Variants in ODAD2 observed in about 807,000 individuals in gnomAD.
The protein encoded by ODAD2 is outer dynein arm docking complex subunit 2, also known as outer dynein arm-docking complex subunit 2.
A neutral mutation model predicts 106.8 loss-of-function variants in ODAD2; 89 were observed. The observed-to-expected ratio is 0.83, with a 90% CI of 0.70 to 0.99. The LOEUF is 0.99. Ranked by LOEUF, ODAD2 falls within the 50% of genes least tolerant of loss-of-function variation. The probability of loss-of-function intolerance (pLI) is 0.00; values close to 1 mark genes in which losing one functional copy is unlikely to be tolerated. For missense variants in ODAD2, 1,168 were observed against 1,238.5 expected, an observed-to-expected ratio of 0.94 and a Z score of 0.85; for synonymous variants, 404 against 436.2, an observed-to-expected ratio of 0.93 and a Z score of 0.92.
chr10:27,958,769 TAA>T (rs1847904124), intron 10 of ODAD2: 2 of 1,050,122 alleles, frequency 1.9e-6, no homozygotes, highest in African/African-American at 3.4e-5. Context: ...AATTCTAATA[TAA>T]GAGAACTTTT....
chr10:27,885,563 A>T (rs183155636), intron 17 of ODAD2, among the ~76,000 whole-genome samples: 26 of 17,490 alleles, frequency 1.5e-3, no homozygotes, highest in African/African-American at 4.8e-3. Context: ...TATAAATATA[A>T]ATATATATAT....
At chr10:27,895,540 C>T (rs1386623765) in intron 17 of ODAD2, among the ~76,000 whole-genome samples, 1 of 152,180 alleles carries the variant, frequency 6.6e-6, no homozygotes, top group Non-Finnish European at 1.5e-5. Flanking sequence ...TCACCCGCCT[C>T]GGCCTCCCAA....
chr10:27,893,711 T>A (rs1279636553), intron 17 of ODAD2, among the ~76,000 whole-genome samples: 1 of 152,232 alleles, frequency 6.6e-6, no homozygotes, highest in Non-Finnish European at 1.5e-5. Context: ...CTTACCTAAA[T>A]AGGACAGGGG....
At chr10:27,850,742 A>G (rs7093199) in intron 19 of ODAD2, among the ~76,000 whole-genome samples, 5 of 152,144 alleles carry the variant, frequency 3.3e-5, no homozygotes, top group African/African-American at 9.6e-5. Context: ...ATGGAAAAAA[A>G]CTGTGAAACA....
chr10:27,935,134 C>T lies in ODAD2; in HGVS notation c.2371G>A (p.Val791Ile). Residue 791 changes from valine (V) to isoleucine (I), a missense_variant, in exon 16 of 20, where the codon GTC becomes ATC. Val to Ile is a conservative substitution (Grantham distance 29). This residue lies in a region of ODAD2 where 701 missense variants were observed against 712.3 expected (regional missense o/e 0.98). Coordinates refer to ENST00000305242, the MANE Select transcript of ODAD2 (RefSeq NM_018076.5). The stretch of plus-strand genomic sequence containing the variant: ...ATGCCACCACATTTCCGGACAATGA[C>T]TCGGTTTTCACGTTCTTGGCAGCAT... ...GECCQERENR[V>I]IVRKCGGIQP... The T allele has an allele frequency of 6.2e-7, 1 of 1,613,982 alleles. No individual in the cohort carries two copies. The highest frequency in any genetic ancestry group is 1.1e-5 in the South Asian group (1 of 91,074).
At chr10:27,980,564 GA>G (rs1849481940) in intron 7 of ODAD2, among the ~76,000 whole-genome samples, 1 of 151,970 alleles carries the variant, frequency 6.6e-6, no homozygotes, top group Non-Finnish European at 1.5e-5. Flanking sequence ...ACAAATATAT[GA>G]AAATATGGTC....
intron 19 of ODAD2, among the ~76,000 whole-genome samples, chr10:27,839,968 T>C (rs1455650447): frequency 6.6e-6 from 1 of 152,194 alleles, no homozygotes; most frequent in Non-Finnish European, 1.5e-5. Context: ...AGTAGCTGAG[T>C]CTGGAATATT....
chr10:27,948,779 A>ATTT (rs11451204), intron 10 of ODAD2, among the ~76,000 whole-genome samples: 1,344 of 40,312 alleles, frequency 0.033, 155 homozygotes, highest in Admixed American at 0.073. Flanking sequence ...TGGCCTTTGG[A>ATTT]TTTTTTTTTT....
At chr10:27,878,449 A>G (rs1841490797) in intron 17 of ODAD2, among the ~76,000 whole-genome samples, 1 of 152,146 alleles carries the variant, frequency 6.6e-6, no homozygotes, top group Admixed American at 6.5e-5. Flanking sequence ...TCCAGCGAAA[A>G]GCACTGGCAG....
chr10:27,873,485 G>A (rs1841073327), intron 17 of ODAD2, among the ~76,000 whole-genome samples: 1 of 138,436 alleles, frequency 7.2e-6, no homozygotes, highest in South Asian at 2.6e-4. Context: ...TTTCTCTTGT[G>A]GGCATTTAGT....
At chr10:27,993,807 G>A (rs1470958569) in intron 2 of ODAD2, among the ~76,000 whole-genome samples, 1 of 152,076 alleles carries the variant, frequency 6.6e-6, no homozygotes, top group Non-Finnish European at 1.5e-5. Flanking sequence ...TAATCCCAAA[G>A]GGAGAAAAGG....
chr10:27,895,019 G>C (rs1182027001), intron 17 of ODAD2, among the ~76,000 whole-genome samples: 4 of 141,594 alleles, frequency 2.8e-5, no homozygotes, highest in African/African-American at 1.0e-4. Context: ...GAATTAGAGA[G>C]AGACTCACTA....
intron 19 of ODAD2, among the ~76,000 whole-genome samples, chr10:27,819,601 A>T (rs1196916361): frequency 8.1e-6 from 1 of 124,220 alleles, no homozygotes; most frequent in African/African-American, 2.7e-5. Flanking sequence ...AAAAAAAAAA[A>T]GTTAACCAGA....
At chr10:27,977,661 C>A (rs1312987770) in intron 7 of ODAD2, among the ~76,000 whole-genome samples, 1 of 151,772 alleles carries the variant, frequency 6.6e-6, no homozygotes, top group East Asian at 1.9e-4. Context: ...AATATATAAG[C>A]CAAGAACATA....
intron 19 of ODAD2, among the ~76,000 whole-genome samples, chr10:27,831,885 C>T (rs1477349838): frequency 1.3e-5 from 2 of 152,212 alleles, no homozygotes; most frequent in Non-Finnish European, 2.9e-5. Context: ...GCTCCCCTCT[C>T]CCCTGCATGC....
At chr10:27,956,656 G>A (rs1377386792) in intron 10 of ODAD2, among the ~76,000 whole-genome samples, 3 of 152,018 alleles carry the variant, frequency 2.0e-5, no homozygotes, top group Admixed American at 6.6e-5. Flanking sequence ...CCATGTTCTC[G>A]GCATTATTCT....
intron 19 of ODAD2, chr10:27,853,168 A>C (rs1460899346): frequency 6.3e-6 from 1 of 159,518 alleles, no homozygotes; most frequent in Non-Finnish European, 1.4e-5. Context: ...GGAGATTGAG[A>C]CCATCCTGAC....
At chr10:27,954,590 T>C (rs1847593558) in intron 10 of ODAD2, among the ~76,000 whole-genome samples, 1 of 152,250 alleles carries the variant, frequency 6.6e-6, no homozygotes, top group African/African-American at 2.4e-5. Context: ...AGTCGTTAAG[T>C]TGATGTGGTA....
intron 2 of ODAD2, among the ~76,000 whole-genome samples, chr10:27,993,075 C>T (rs980700411): frequency 2.0e-5 from 3 of 151,946 alleles, no homozygotes; most frequent in Non-Finnish European, 1.5e-5. Context: ...CCACCATGCC[C>T]GGCTAATTTC....
Sources: allele counts gnomAD v4.1 joint callset (sites outside exome capture counted in the v4.1 genomes callset), GRCh38; gene constraint gnomAD v4.1.1; regional missense constraint gnomAD v4.1.1; transcripts MANE v1.5; gene names NCBI Gene and HGNC (gene_info 2026-07-23, HGNC 2026-07-21).